PHACTR3: variants seen among roughly 807,000 people sequenced by gnomAD.
PHACTR3 encodes phosphatase and actin regulator 3.
PHACTR3 carries 16 observed loss-of-function variants against 66.8 expected under a neutral mutation model. The ratio of observed to expected loss-of-function variants is 0.24; its 90% confidence interval spans 0.16 to 0.36. The LOEUF (loss-of-function observed/expected upper bound fraction) is 0.36, where lower values mean the gene tolerates loss of function less well. Ranked by LOEUF, PHACTR3 falls within the 10% of genes least tolerant of loss-of-function variation. PHACTR3 has a pLI of 1.00. For synonymous variants in PHACTR3, 323 were observed against 292.1 expected (o/e 1.11, Z -1.08); for missense variants, 647 against 719.9 (o/e 0.90, Z 1.16).
rs1213375718 is a variant in PHACTR3 at position 59,820,552 on chromosome 20, A to G, written c.1328+14358A>G. ...GTCTTGGGTGGAAGTCCCCGTGTAC[A>G]GGGAGGGAAAGCCCATCTGTGTGTG... is the stretch of plus-strand genomic sequence containing the variant. On this transcript the variant is annotated intron_variant, in intron 8 of 12. Transcript: ENST00000371015. The surrounding 1 kb of genome is among the most constrained non-coding windows in gnomAD (Gnocchi z 4.6). Among the ~76,000 whole-genome samples, 1 of 152,182 alleles carries G rather than the reference A, an allele frequency of 6.6e-6. No individual in the cohort carries two copies. The highest frequency in any genetic ancestry group is 1.5e-5 in the Non-Finnish European group (1 of 68,028).
chr20:59,581,162 C>A (rs2032844745), intron 1 of PHACTR3, among the ~76,000 whole-genome samples: 1 of 152,258 alleles, frequency 6.6e-6, no homozygotes, highest in African/African-American at 2.4e-5. Context: ...GTGCAAGAAC[C>A]CCACAGCTGT....
At chr20:59,801,949 G>A (rs1180656890) in intron 7 of PHACTR3, among the ~76,000 whole-genome samples, 1 of 152,194 alleles carries the variant, frequency 6.6e-6, no homozygotes, top group South Asian at 2.1e-4. Flanking sequence ...TTCAGTGCCA[G>A]GTATGGAATA....
intron 1 of PHACTR3, among the ~76,000 whole-genome samples, chr20:59,640,915 C>T (rs2035077522): frequency 6.6e-6 from 1 of 152,136 alleles, no homozygotes; most frequent in African/African-American, 2.4e-5. Context: ...AGTAGGGACT[C>T]ATAACCAAGT....
chr20:59,756,281 G>A (rs1257398475), intron 4 of PHACTR3, among the ~76,000 whole-genome samples: 1 of 152,162 alleles, frequency 6.6e-6, no homozygotes, highest in Non-Finnish European at 1.5e-5. Context: ...AGCTATAAGC[G>A]AGTCTCACAC....
rs2039018488 is a variant in PHACTR3, at chr20:59,738,082, G to T, written c.119-5025G>T. On this transcript the variant is annotated intron_variant, in intron 1 of 12. Coordinates refer to ENST00000371015, the MANE Select transcript of PHACTR3 (RefSeq NM_080672.5). The surrounding 1 kb of genome is among the most constrained non-coding windows in gnomAD (Gnocchi z 4.4). ...GTGGTAGGGAGGGGGAGGCGCCACT[G>T]CCCCTCCTGCCCACCTTCCACCAGT... is the stretch of plus-strand genomic sequence containing the variant. Among the ~76,000 whole-genome samples the T allele has an allele frequency of 6.6e-6, 1 of 152,054 alleles. No individual in the cohort carries two copies. The highest frequency in any genetic ancestry group is 2.4e-5 in the African/African-American group (1 of 41,412).
At chr20:59,690,951 C>T (rs1487826696) in intron 1 of PHACTR3, among the ~76,000 whole-genome samples, 1 of 152,172 alleles carries the variant, frequency 6.6e-6, no homozygotes, top group Non-Finnish European at 1.5e-5. Context: ...AGGGCCATGA[C>T]AACATCCCAA....
At chr20:59,583,100 A>T (rs112650561) in intron 1 of PHACTR3, among the ~76,000 whole-genome samples, 3 of 152,246 alleles carry the variant, frequency 2.0e-5, no homozygotes, top group African/African-American at 7.2e-5. Context: ...TCAAAAACAC[A>T]TCCCTCTGCG....
chr20:59,615,024 G>T (rs1251459803), intron 1 of PHACTR3, among the ~76,000 whole-genome samples: 1 of 152,084 alleles, frequency 6.6e-6, no homozygotes, highest in Non-Finnish European at 1.5e-5. Flanking sequence ...GTTTTTCGGG[G>T]ATCTGCCTGG....
In PHACTR3 at chr20:59,845,244, C is replaced by T. The variant is rs377184497; in HGVS notation, c.1643C>T (p.Ala548Val). The change falls in exon 12 of 13, where the codon GCA becomes GTA. Residue 548 changes from alanine to valine, a missense_variant. Physicochemically the swap from Ala to Val is moderately conservative, Grantham distance 64. This residue lies in a region of PHACTR3 where 70 missense variants were observed against 148.8 expected (regional missense o/e 0.47). Coordinates refer to ENST00000371015, the MANE Select transcript of PHACTR3 (RefSeq NM_080672.5). ...AAAAGTAATGAAATGGAGGTACATG[C>T]ATCAAGCAAGCACTTGACAAGGTCA... Reference protein sequence around the residue: ...EYKSNEMEVHASSKHLTRFHR... With the variant: ...EYKSNEMEVHVSSKHLTRFHR... The T allele has an allele frequency of 4.4e-6, 7 of 1,608,200 alleles. No individual in the cohort carries two copies. The African/African-American group carries it at 9.4e-5, about 22-fold the overall frequency.
intron 9 of PHACTR3, among the ~76,000 whole-genome samples, chr20:59,838,940 G>A (rs1043949086): frequency 4.6e-5 from 7 of 151,914 alleles, no homozygotes; most frequent in South Asian, 2.1e-4. Context: ...CCAACAGAGC[G>A]CCTGGCACAA....
Position 59,727,678 on chromosome 20 carries a change from C to T in PHACTR3, c.119-15429C>T, listed in dbSNP as rs528264692. Among the ~76,000 whole-genome samples, 14 of 152,194 alleles carry T rather than the reference C, an allele frequency of 9.2e-5. 1 individual carries two copies. Among genetic ancestry groups the T allele is most frequent in the Admixed American group, 5.2e-4 (8 of 15,296 alleles). On this transcript the variant is annotated intron_variant, in intron 1 of 12. Coordinates refer to ENST00000371015, the MANE Select transcript of PHACTR3 (RefSeq NM_080672.5). Reference sequence around the variant, plus strand: ...CTGTTAAATGAGGTACTTATAAAGCCGAATAGCCTAATTCAAACATTTTAA... The same window carrying T: ...CTGTTAAATGAGGTACTTATAAAGCTGAATAGCCTAATTCAAACATTTTAA...
chr20:59,671,559 A>G (rs938675083), intron 1 of PHACTR3, among the ~76,000 whole-genome samples: 4 of 152,262 alleles, frequency 2.6e-5, no homozygotes, highest in African/African-American at 9.6e-5. Context: ...TTGAACCAAC[A>G]TTTAAATGTA....
In PHACTR3 at chr20:59,648,790, T is replaced by G. The variant is rs778757748; in HGVS notation, c.118+43658T>G. Among the ~76,000 whole-genome samples the G allele has an allele frequency of 8.0e-4, 121 of 152,176 alleles. 1 individual carries two copies. The highest frequency in any genetic ancestry group is 2.4e-4 in the Non-Finnish European group (16 of 68,036). ...TGGATTGGGTTGATGTGATTTGATG[T>G]GAGGTGGAGTGAATAAGTGACAAGC... On this transcript the variant is annotated intron_variant, in intron 1 of 12. Coordinates refer to ENST00000371015, the MANE Select transcript of PHACTR3 (RefSeq NM_080672.5).
At chr20:59,747,922 G>T in intron 3 of PHACTR3, 87 bp downstream of exon 3, 1 of 1,408,470 alleles carries the variant, frequency 7.1e-7, no homozygotes, top group Non-Finnish European at 9.9e-7. Context: ...AAGCCCATCA[G>T]AAACAGTGTA....
Position 59,636,821 on chromosome 20 carries a change from G to C in PHACTR3, c.118+31689G>C, listed in dbSNP as rs1050743459. Reference sequence around the variant, plus strand: ...AAATACAGAGCAAAGATGATAAACAGAAAGTGTCTAGAAGATAGTTGCTAC... The same window carrying C: ...AAATACAGAGCAAAGATGATAAACACAAAGTGTCTAGAAGATAGTTGCTAC... On this transcript the variant is annotated intron_variant, in intron 1 of 12. Coordinates refer to ENST00000371015, the MANE Select transcript of PHACTR3 (RefSeq NM_080672.5). 1.6e-4 allele frequency among the ~76,000 whole-genome samples: 24 copies of C among 152,318 alleles called. No homozygotes were observed. The East Asian group carries it at 4.6e-3, about 29-fold the overall frequency.
At chr20:59,832,696 C>T (rs6100617) in intron 8 of PHACTR3, among the ~76,000 whole-genome samples, 19 of 152,186 alleles carry the variant, frequency 1.2e-4, no homozygotes, top group Admixed American at 3.3e-4. Context: ...CTCTCTCCAG[C>T]GATGCCAGGC....
At chr20:59,783,620 C>A (rs186262586) in intron 7 of PHACTR3, among the ~76,000 whole-genome samples, 67 of 152,244 alleles carry the variant, frequency 4.4e-4, no homozygotes, top group Non-Finnish European at 8.1e-4. Context: ...ATGAAACTTG[C>A]CCATTTTGAA....
chr20:59,584,954 A>G (rs2032977684), intron 1 of PHACTR3, among the ~76,000 whole-genome samples: 1 of 151,684 alleles, frequency 6.6e-6, no homozygotes, highest in South Asian at 2.1e-4. Context: ...TCACCCCTTT[A>G]AAAAACGCCT....
intron 1 of PHACTR3, among the ~76,000 whole-genome samples, chr20:59,684,946 C>A (rs2036806212): frequency 6.6e-6 from 1 of 152,140 alleles, no homozygotes; most frequent in Non-Finnish European, 1.5e-5. Context: ...CTTGGCTTCC[C>A]ATGGCTCAGC....
Sources: gnomAD v4.1 joint callset for allele counts (sites outside exome capture counted in the v4.1 genomes callset) on GRCh38, gnomAD v4.1.1 for gene constraint, gnomAD v4.1.1 regional missense constraint, Gnocchi (gnomAD v3.1) non-coding constraint, MANE v1.5 for transcripts, NCBI Gene and HGNC (gene_info 2026-07-23, HGNC 2026-07-21) for gene names.